The following ALOX5AP variants were observed in gnomAD, a reference collection of about 807,000 sequenced individuals.
ALOX5AP encodes arachidonate 5-lipoxygenase activating protein.
A neutral mutation model predicts 18.5 loss-of-function variants in ALOX5AP; 9 were observed. The observed-to-expected ratio is 0.49, with a 90% CI of 0.29 to 0.85. The LOEUF (loss-of-function observed/expected upper bound fraction) is 0.85. ALOX5AP is among the 40% of genes least tolerant of loss of function. The pLI is 0.08. For synonymous variants in ALOX5AP, 81 were observed against 78.6 expected, an observed-to-expected ratio of 1.03 and a Z score of -0.16; for missense variants, 172 against 202.5, an observed-to-expected ratio of 0.85 and a Z score of 0.91.
At chr13:30,759,341 G>A (rs1482189352) in intron 4 of ALOX5AP, among the ~76,000 whole-genome samples, 1 of 152,074 alleles carries the variant, frequency 6.6e-6, no homozygotes, top group South Asian at 2.1e-4. Context: ...TGGTGGGTGG[G>A]CAATGACTGC....
chr13:30,714,847 G>T (rs1476115011), intron 1 of ALOX5AP, among the ~76,000 whole-genome samples: 7 of 152,172 alleles, frequency 4.6e-5, no homozygotes. Flanking sequence ...CTTAGGGCTT[G>T]CCACAGTGTT....
In ALOX5AP at chr13:30,741,103, C is replaced by CTTTTTTTTTTTTTTTTTTTTTTTTT. The variant is rs59980433; in HGVS notation, c.71-2946_71-2922dup. Among the ~76,000 whole-genome samples, 4 of 64,008 alleles carry CTTTTTTTTTTTTTTTTTTTTTTTTT rather than the reference C, an allele frequency of 6.2e-5. 1 individual carries two copies. Among genetic ancestry groups the CTTTTTTTTTTTTTTTTTTTTTTTTT allele is most frequent in the Non-Finnish European group, 8.3e-5 (3 of 36,054 alleles). 42.0% of individuals were successfully genotyped at this position (64,008 alleles called of 152,430 possible). A position where few individuals can be genotyped will look rare whatever the true frequency, so the allele number is the denominator to read the frequency against. ...TTAACCTACACACATCCTCCATATCCTTTTTTTTTTTTTTTTTTTTTTTTT... is the reference window on the plus strand; with the variant it reads ...TTAACCTACACACATCCTCCATATCCTTTTTTTTTTTTTTTTTTTTTTTTTTTTTTTTTTTTTTTTTTTTTTTTTT... On this transcript the variant is annotated intron_variant, in intron 1 of 4. Coordinates refer to ENST00000380490, the MANE Select transcript of ALOX5AP (RefSeq NM_001629.4).
intron 1 of ALOX5AP, chr13:30,742,471 C>T (rs984965379): frequency 1.3e-5 from 2 of 152,224 alleles, no homozygotes; most frequent in Non-Finnish European, 2.9e-5. Flanking sequence ...AAAGTTGCAG[C>T]GTTCTTACCT....
At chr13:30,717,936 G>A (rs1378478504) in intron 1 of ALOX5AP, among the ~76,000 whole-genome samples, 1 of 150,636 alleles carries the variant, frequency 6.6e-6, no homozygotes, top group Non-Finnish European at 1.5e-5. Context: ...GGTAGGGGGA[G>A]TAGGTGAGAA....
At chr13:30,726,668 T>A (rs1054485598) in intron 1 of ALOX5AP, among the ~76,000 whole-genome samples, 1 of 152,308 alleles carries the variant, frequency 6.6e-6, no homozygotes, top group African/African-American at 2.4e-5. Context: ...TTGATATAAA[T>A]GTATTTGTGC....
intron 2 of ALOX5AP, among the ~76,000 whole-genome samples, chr13:30,751,743 A>C (rs1248629163): frequency 1.3e-5 from 2 of 152,184 alleles, no homozygotes; most frequent in East Asian, 3.9e-4. Flanking sequence ...CAATTCCAAG[A>C]AGCGCAGGGG....
chr13:30,727,074 T>C (rs1037450053), intron 1 of ALOX5AP, among the ~76,000 whole-genome samples: 3 of 133,072 alleles, frequency 2.3e-5, no homozygotes, highest in African/African-American at 8.4e-5. Context: ...TTTTTTTTTT[T>C]CCAAGGTCTC....
intron 3 of ALOX5AP, among the ~76,000 whole-genome samples, chr13:30,755,124 G>C (rs767625652): frequency 6.6e-6 from 1 of 152,148 alleles, no homozygotes; most frequent in South Asian, 2.1e-4. Flanking sequence ...TTCCCAAAAA[G>C]CTAGAATGCA....
chr13:30,727,898 G>A (rs927639627), intron 1 of ALOX5AP, among the ~76,000 whole-genome samples: 6 of 152,120 alleles, frequency 3.9e-5, no homozygotes, highest in African/African-American at 1.4e-4. Context: ...CCTCCTGACA[G>A]TCTGCCCTTT....
Position 30,764,217 on chromosome 13 carries a change from G to A in ALOX5AP, c.*111G>A. On this transcript the variant is annotated 3_prime_UTR_variant, in exon 5 of 5. Coordinates refer to ENST00000380490, the MANE Select transcript of ALOX5AP (RefSeq NM_001629.4). ...TCTTTAGATGGCTGTAAATCTATTG[G>A]CCATCTGGGCTTCACAGCTTGAGTT... 2 of 1,225,154 alleles carry A rather than the reference G, an allele frequency of 1.6e-6. No homozygotes were observed. Among genetic ancestry groups the A allele is most frequent in the East Asian group, 2.5e-5 (1 of 39,884 alleles). 75.9% of individuals were successfully genotyped at this position (1,225,154 alleles called of 1,614,324 possible). A position where few individuals can be genotyped will look rare whatever the true frequency, so the allele number is the denominator to read the frequency against.
intron 1 of ALOX5AP, among the ~76,000 whole-genome samples, chr13:30,729,828 G>A (rs17216473): frequency 0.15 from 23,157 of 152,060 alleles, 1,852 homozygotes; most frequent in South Asian, 0.21. Flanking sequence ...TGCCTGCCTC[G>A]GCCTCCCACA....
At chr13:30,733,694 T>G (rs1441633360), upstream of ALOX5AP, among the ~76,000 whole-genome samples, 1 of 152,216 alleles carries the variant, frequency 6.6e-6, no homozygotes, top group Non-Finnish European at 1.5e-5. Context: ...AAGTAAAGAA[T>G]TCCCACCCTC....
At chr13:30,732,842 A>G, upstream of ALOX5AP, among the ~76,000 whole-genome samples, 1 of 151,986 alleles carries the variant, frequency 6.6e-6, no homozygotes, top group Non-Finnish European at 1.5e-5. Flanking sequence ...AAAGAGAGAG[A>G]GAAAGGGACA....
chr13:30,734,966 T>A (rs1371528462), upstream of ALOX5AP, among the ~76,000 whole-genome samples: 1 of 152,172 alleles, frequency 6.6e-6, no homozygotes, highest in East Asian at 1.9e-4. Context: ...ACAGATCTTT[T>A]GGTGTTCTAT....
chr13:30,730,233 G>A (rs977078682), intron 1 of ALOX5AP, among the ~76,000 whole-genome samples: 10 of 152,214 alleles, frequency 6.6e-5, no homozygotes, highest in African/African-American at 1.9e-4. Flanking sequence ...AATGGCATGA[G>A]GATTCATCTC....
chr13:30,751,108 G>T, intron 2 of ALOX5AP, among the ~76,000 whole-genome samples: 1 of 152,140 alleles, frequency 6.6e-6, no homozygotes, highest in Admixed American at 6.6e-5. Context: ...CTGTTGCCTG[G>T]GCTGGAGTGC....
At chr13:30,734,091 G>A (rs954095286), upstream of ALOX5AP, among the ~76,000 whole-genome samples, 1 of 152,078 alleles carries the variant, frequency 6.6e-6, no homozygotes, top group African/African-American at 2.4e-5. Context: ...TTATAAATCT[G>A]CAATATATAT....
intron 1 of ALOX5AP, among the ~76,000 whole-genome samples, chr13:30,722,662 TC>T (rs1290165713): frequency 6.6e-6 from 1 of 152,214 alleles, no homozygotes; most frequent in Non-Finnish European, 1.5e-5. Context: ...GAATATTTGT[TC>T]CCTACAAATC....
At chr13:30,734,005 C>CT (rs768802681), upstream of ALOX5AP, among the ~76,000 whole-genome samples, 2 of 152,198 alleles carry the variant, frequency 1.3e-5, no homozygotes, top group Non-Finnish European at 2.9e-5. Flanking sequence ...CCACCAGCAG[C>CT]TTTTCTGAGT....
Sources: gnomAD v4.1 joint callset for allele counts (sites outside exome capture counted in the v4.1 genomes callset) on GRCh38, gnomAD v4.1.1 for gene constraint, MANE v1.5 for transcripts, NCBI Gene and HGNC (gene_info 2026-07-23, HGNC 2026-07-21) for gene names.